The following CDC14B variants were observed in gnomAD, a reference collection of about 807,000 sequenced individuals.
The protein encoded by CDC14B is cell division cycle 14B.
CDC14B carries 22 observed loss-of-function variants against 64.2 expected under a neutral mutation model. That is an observed-to-expected ratio of 0.34 (90% CI 0.24 to 0.49). CDC14B has a LOEUF of 0.49. CDC14B is among the 20% of genes least tolerant of loss of function. CDC14B has a pLI of 0.99. For synonymous variants in CDC14B, 191 were observed against 215.8 expected, an observed-to-expected ratio of 0.89 and a Z score of 1.01; for missense variants, 498 against 629.9, an observed-to-expected ratio of 0.79 and a Z score of 2.24.
At chr9:96,529,463 C>A (rs1838086892) in intron 9 of CDC14B, among the ~76,000 whole-genome samples, 1 of 145,732 alleles carries the variant, frequency 6.9e-6, no homozygotes, top group Non-Finnish European at 1.5e-5. Context: ...ACCACACAAT[C>A]TTGATTGATG....
chr9:96,560,678 G>A (rs565130320), intron 4 of CDC14B, among the ~76,000 whole-genome samples: 1 of 148,120 alleles, frequency 6.8e-6, no homozygotes, highest in South Asian at 2.1e-4. Flanking sequence ...CTGCCACCCA[G>A]GTTCAAGCAA....
rs1435226077 is a variant in CDC14B, at chr9:96,608,302, G to A, written c.160+10917C>T. ...TAGTGGAGTTAAAATCCCAGCCTCA[G>A]CTGTGTTTGTTAGATAAACTCAAAG... is the stretch of plus-strand genomic sequence containing the variant. On this transcript the variant is annotated intron_variant, in intron 1 of 13. Coordinates refer to ENST00000375241, the MANE Select transcript of CDC14B (RefSeq NM_033331.4). Among the ~76,000 whole-genome samples, 3 of 152,292 alleles carry A rather than the reference G, an allele frequency of 2.0e-5. No homozygotes were observed. The East Asian group carries it at 5.8e-4, about 29-fold the overall frequency.
rs762531328 is a variant in CDC14B, at chr9:96,602,044, G to C, written c.160+17175C>G. 3.7e-4 allele frequency among the ~76,000 whole-genome samples: 56 copies of C among 152,118 alleles called. 2 individuals are homozygous for C. Among genetic ancestry groups the C allele is most frequent in the Non-Finnish European group, 2.9e-4 (20 of 68,034 alleles). ...ACTGCACTCCAGCCTGGACGACAGA[G>C]CGAGACTCAGTCTCAAAAACAAAAA... is the stretch of plus-strand genomic sequence containing the variant. On this transcript the variant is annotated intron_variant, in intron 1 of 13. Coordinates refer to ENST00000375241, the MANE Select transcript of CDC14B (RefSeq NM_033331.4).
chr9:96,564,886 TTC>T, intron 2 of CDC14B, 34 bp from the exon 3 acceptor site: 1 of 1,378,024 alleles, frequency 7.3e-7, no homozygotes, highest in Non-Finnish European at 1.0e-6. Context: ...GTGATGTACA[TTC>T]TAGATGCTCT....
At chr9:96,612,809 A>T (rs1847403935) in intron 1 of CDC14B, among the ~76,000 whole-genome samples, 1 of 152,226 alleles carries the variant, frequency 6.6e-6, no homozygotes, top group Non-Finnish European at 1.5e-5. Flanking sequence ...AGGGGAAGAA[A>T]GCTTGGCAGA....
At chr9:96,529,404 C>A (rs1005617221) in intron 9 of CDC14B, among the ~76,000 whole-genome samples, 2 of 151,574 alleles carry the variant, frequency 1.3e-5, no homozygotes, top group Non-Finnish European at 2.9e-5. Context: ...GGATTTATTT[C>A]TGAGCTCTCT....
intron 1 of CDC14B, among the ~76,000 whole-genome samples, chr9:96,602,961 C>G (rs1327628943): frequency 6.6e-6 from 1 of 152,074 alleles, no homozygotes; most frequent in Non-Finnish European, 1.5e-5. Context: ...ATCACCACAT[C>G]TCGACTTAGA....
intron 1 of CDC14B, among the ~76,000 whole-genome samples, chr9:96,590,342 T>A (rs1281355843): frequency 1.3e-5 from 2 of 150,916 alleles, no homozygotes; most frequent in Non-Finnish European, 2.9e-5. Context: ...TAAAGCTGGA[T>A]AATATTCCAC....
chr9:96,581,845 G>A (rs541457151), intron 1 of CDC14B, among the ~76,000 whole-genome samples: 5 of 152,266 alleles, frequency 3.3e-5, no homozygotes, highest in Middle Eastern at 3.4e-3. Context: ...AAGATCCACC[G>A]TCCCAGCACA....
intron 1 of CDC14B, chr9:96,566,739 C>A (rs2132348912): frequency 6.3e-7 from 1 of 1,594,324 alleles, no homozygotes; most frequent in East Asian, 2.3e-5. Context: ...CCGGAGCCCC[C>A]AGGGGAAGCC....
At chr9:96,552,020 T>C (rs971554507) in intron 4 of CDC14B, 148 bp from the exon 5 acceptor site, 1 of 1,070,030 alleles carries the variant, frequency 9.3e-7, no homozygotes, top group South Asian at 1.8e-5. Context: ...CAGAATCCTG[T>C]CCATAGATTT....
intron 1 of CDC14B, among the ~76,000 whole-genome samples, chr9:96,580,189 T>C (rs1240902163): frequency 6.6e-6 from 1 of 151,648 alleles, no homozygotes. Flanking sequence ...AAAATTAAAA[T>C]ACTGATAGCA....
At chr9:96,579,568 GAGCA>G (rs1845015367) in intron 1 of CDC14B, among the ~76,000 whole-genome samples, 2 of 149,790 alleles carry the variant, frequency 1.3e-5, no homozygotes, top group Non-Finnish European at 3.0e-5. Flanking sequence ...CTGGGTGACA[GAGCA>G]AGACTCTGTC....
intron 1 of CDC14B, among the ~76,000 whole-genome samples, chr9:96,618,271 G>A (rs1158671586): frequency 2.0e-5 from 3 of 152,128 alleles, no homozygotes; most frequent in African/African-American, 4.8e-5. Flanking sequence ...ACGCACCGAG[G>A]TTGACACATT....
rs1203705219 is a variant in CDC14B, at chr9:96,522,567, C to T, written c.1282G>A (p.Gly428Ser). ...CTTTTCAAGGCCCGAAGTCTATCACCTTGTGTCACTCCATTGATTTCGTCA... is the reference window on the plus strand; with the variant it reads ...CTTTTCAAGGCCCGAAGTCTATCACTTTGTGTCACTCCATTGATTTCGTCA... Reference protein sequence around the residue: ...DDDEINGVTQGDRLRALKSRR... With the variant: ...DDDEINGVTQSDRLRALKSRR... Residue 428 changes from glycine to serine, a missense_variant, in exon 12 of 14, where the codon GGT (glycine) becomes AGT (serine). Gly to Ser is a moderately conservative substitution (Grantham distance 56). Transcript: ENST00000375241. The T allele has an allele frequency of 1.2e-6, 2 of 1,613,292 alleles. No homozygotes were observed. Among genetic ancestry groups the T allele is most frequent in the Non-Finnish European group, 8.5e-7 (1 of 1,179,248 alleles).
At chr9:96,537,906 G>A (rs1008274475) in intron 7 of CDC14B, among the ~76,000 whole-genome samples, 8 of 152,022 alleles carry the variant, frequency 5.3e-5, no homozygotes, top group Admixed American at 5.2e-4. Flanking sequence ...GTATTTTAGA[G>A]ATGAGGTTTC....
chr9:96,496,772 A>G (rs1833265114), downstream of CDC14B, among the ~76,000 whole-genome samples: 1 of 152,154 alleles, frequency 6.6e-6, no homozygotes, highest in Non-Finnish European at 1.5e-5. Context: ...CCCTCCGAGA[A>G]GCCCCTTCCT....
At chr9:96,533,688 A>G (rs1325349821) in intron 9 of CDC14B, among the ~76,000 whole-genome samples, 1 of 152,218 alleles carries the variant, frequency 6.6e-6, no homozygotes, top group Non-Finnish European at 1.5e-5. Context: ...CTAGAATTAT[A>G]TAGGATGCAC....
Position 96,617,315 on chromosome 9 carries a change from T to C in CDC14B, c.160+1904A>G, listed in dbSNP as rs140276200. 2.5e-3 allele frequency among the ~76,000 whole-genome samples: 385 copies of C among 151,972 alleles called. 4 individuals carry two copies. Among genetic ancestry groups the C allele is most frequent in the African/African-American group, 8.8e-3 (365 of 41,460 alleles). ...TCACGAAGACTAGCCACATATTTCA[T>C]CTCCATCAAGAAGAAAGATTTATTC... is the stretch of plus-strand genomic sequence containing the variant. On this transcript the variant is annotated intron_variant, in intron 1 of 13. Transcript: ENST00000375241.
Sources: gnomAD v4.1 joint callset for allele counts (sites outside exome capture counted in the v4.1 genomes callset) on GRCh38, gnomAD v4.1.1 for gene constraint, MANE v1.5 for transcripts, NCBI Gene and HGNC (gene_info 2026-07-23, HGNC 2026-07-21) for gene names.